The following GPD2 variants were observed in gnomAD, a reference collection of about 807,000 sequenced individuals.
The protein encoded by GPD2 is glycerol-3-phosphate dehydrogenase, mitochondrial.
A neutral mutation model predicts 82.4 loss-of-function variants in GPD2; 54 were observed. That is an observed-to-expected ratio of 0.66 (90% CI 0.53 to 0.82). The LOEUF (loss-of-function observed/expected upper bound fraction) is 0.82. Ranked by LOEUF, GPD2 falls within the 40% of genes least tolerant of loss-of-function variation. The pLI is 0.00. For missense variants in GPD2, 748 were observed against 896.2 expected, an observed-to-expected ratio of 0.83 and a Z score of 2.11; for synonymous variants, 288 against 306.1, an observed-to-expected ratio of 0.94 and a Z score of 0.62.
At chr2:156,570,625 T>C (rs1488657961) in intron 12 of GPD2, among the ~76,000 whole-genome samples, 1 of 152,170 alleles carries the variant, frequency 6.6e-6, no homozygotes, top group East Asian at 1.9e-4. Flanking sequence ...AGACCAGGCT[T>C]TGTATTTATT....
intron 9 of GPD2, among the ~76,000 whole-genome samples, chr2:156,564,247 TC>T (rs1687282827): frequency 6.6e-6 from 1 of 152,162 alleles, no homozygotes; most frequent in African/African-American, 2.4e-5. Context: ...TCTGCCATCC[TC>T]CAAGGTGGTT....
At chr2:156,488,817 A>G (rs1041872951) in intron 2 of GPD2, among the ~76,000 whole-genome samples, 1 of 152,158 alleles carries the variant, frequency 6.6e-6, no homozygotes, top group African/African-American at 2.4e-5. Context: ...AAGGAATTTT[A>G]TCTTTCTAAA....
chr2:156,514,579 A>G (rs1313583720), intron 6 of GPD2, among the ~76,000 whole-genome samples: 1 of 152,128 alleles, frequency 6.6e-6, no homozygotes, highest in Middle Eastern at 3.4e-3. Flanking sequence ...CCAGTGTTAC[A>G]TTTCTGAACC....
chr2:156,430,461 A>G (rs144904685), upstream of GPD2, among the ~76,000 whole-genome samples: 278 of 152,376 alleles, frequency 1.8e-3, 2 homozygotes, highest in Non-Finnish European at 3.0e-3. Flanking sequence ...TGATATTAAC[A>G]TCCTTCACTG....
intron 6 of GPD2, among the ~76,000 whole-genome samples, chr2:156,525,029 A>C (rs527846545): frequency 6.6e-6 from 1 of 152,172 alleles, no homozygotes; most frequent in African/African-American, 2.4e-5. Flanking sequence ...TGTATCAACT[A>C]TCTGCCTACC....
intron 1 of GPD2, among the ~76,000 whole-genome samples, chr2:156,462,514 C>A (rs1683024983): frequency 7.0e-6 from 1 of 143,726 alleles, no homozygotes; most frequent in Admixed American, 7.2e-5. Context: ...ATTGGTCGGG[C>A]TGGTCTCAAA....
intron 1 of GPD2, among the ~76,000 whole-genome samples, chr2:156,440,526 G>A (rs371962443): frequency 6.6e-6 from 1 of 152,182 alleles, no homozygotes; most frequent in Non-Finnish European, 1.5e-5. Context: ...CCTTTGGCTT[G>A]TGTTCTGGGA....
intron 3 of GPD2, among the ~76,000 whole-genome samples, chr2:156,510,400 G>A (rs901928460): frequency 4.6e-5 from 7 of 152,186 alleles, no homozygotes; most frequent in East Asian, 3.8e-4. Flanking sequence ...GAGGGGCTGC[G>A]ACAGGTCTGG....
intron 16 of GPD2, among the ~76,000 whole-genome samples, chr2:156,581,880 T>C (rs1688037852): frequency 1.3e-5 from 2 of 152,012 alleles, no homozygotes; most frequent in African/African-American, 4.8e-5. Flanking sequence ...CTCTATAGGC[T>C]AAAAGCTATA....
chr2:156,494,064 G>A (rs982201490), intron 2 of GPD2, among the ~76,000 whole-genome samples: 2 of 151,904 alleles, frequency 1.3e-5, no homozygotes, highest in Non-Finnish European at 2.9e-5. Context: ...CAAACTAAAT[G>A]TATATAAAGG....
chr2:156,418,133 T>C, the GPD2 span, among the ~76,000 whole-genome samples: 1 of 151,998 alleles, frequency 6.6e-6, no homozygotes, highest in South Asian at 2.1e-4. Flanking sequence ...GAGAATTGCT[T>C]GAACTCGGGA....
At chr2:156,520,575 ATTT>A (rs1260606691) in intron 6 of GPD2, among the ~76,000 whole-genome samples, 2 of 145,378 alleles carry the variant, frequency 1.4e-5, no homozygotes, top group Non-Finnish European at 3.1e-5. Flanking sequence ...TTATTTATTT[ATTT>A]ATTTATTTAT....
At chr2:156,431,533 G>A (rs899498941), upstream of GPD2, among the ~76,000 whole-genome samples, 1 of 151,774 alleles carries the variant, frequency 6.6e-6, no homozygotes, top group Non-Finnish European at 1.5e-5. Flanking sequence ...TAATTACTGA[G>A]AGCAATTCCT....
At chr2:156,494,098 A>G (rs2105237277) in intron 2 of GPD2, among the ~76,000 whole-genome samples, 1 of 152,328 alleles carries the variant, frequency 6.6e-6, no homozygotes. Flanking sequence ...CATGGTTATT[A>G]GCAGATAATT....
chr2:156,518,202 A>G (rs767336822), intron 6 of GPD2, among the ~76,000 whole-genome samples: 1 of 152,198 alleles, frequency 6.6e-6, no homozygotes, highest in African/African-American at 2.4e-5. Flanking sequence ...AGCAAAGCCA[A>G]TTTAATCTCT....
the GPD2 span, among the ~76,000 whole-genome samples, chr2:156,403,193 C>A: frequency 6.6e-6 from 1 of 151,328 alleles, no homozygotes; most frequent in East Asian, 1.9e-4. Flanking sequence ...TACCTAAAGG[C>A]CTTTTTATTT....
Position 156,583,295 on chromosome 2 carries a change from T to C in GPD2, c.*377T>C, listed in dbSNP as rs2105385361. 3.3e-6 allele frequency: 1 copy of C among 300,170 alleles called. No individual in the cohort carries two copies. Among genetic ancestry groups the C allele is most frequent in the South Asian group, 3.2e-5 (1 of 31,154 alleles). The allele number at this position is 300,170 out of a possible 1,614,324, so 18.6% of individuals were successfully genotyped here. The stretch of plus-strand genomic sequence containing the variant: ...AAAAAGCTGGAGACATTTTGTGACA[T>C]GCATACAGATAGCATGTGTTATTAA... On this transcript the variant is annotated 3_prime_UTR_variant, in exon 17 of 17. Coordinates refer to ENST00000438166, the MANE Select transcript of GPD2 (RefSeq NM_000408.5).
At chr2:156,454,839 G>T (rs1335019677) in intron 1 of GPD2, among the ~76,000 whole-genome samples, 1 of 152,126 alleles carries the variant, frequency 6.6e-6, no homozygotes, top group Non-Finnish European at 1.5e-5. Flanking sequence ...GGCAGCTCCT[G>T]TTGCTTAGTG....
chr2:156,525,056 A>G (rs907517732), intron 6 of GPD2, among the ~76,000 whole-genome samples: 1 of 152,178 alleles, frequency 6.6e-6, no homozygotes, highest in Non-Finnish European at 1.5e-5. Context: ...TATATTGTAT[A>G]TAGGAAAGTC....
Sources: allele counts gnomAD v4.1 joint callset (sites outside exome capture counted in the v4.1 genomes callset), GRCh38; gene constraint gnomAD v4.1.1; transcripts MANE v1.5; gene names NCBI Gene and HGNC (gene_info 2026-07-23, HGNC 2026-07-21).